Variants in MORF4L1 observed in about 807,000 individuals in gnomAD.
MORF4L1 encodes mortality factor 4-like protein 1.
Under a neutral mutation model 52.9 loss-of-function variants are expected in MORF4L1, and 4 were observed. The observed-to-expected ratio is 0.08, with a 90% CI of 0.04 to 0.17. The LOEUF (loss-of-function observed/expected upper bound fraction) is 0.17, where lower values mean the gene tolerates loss of function less well. Ranked by LOEUF, MORF4L1 falls within the 10% of genes least tolerant of loss-of-function variation. The pLI is 1.00. For synonymous variants in MORF4L1, 123 were observed against 134.8 expected, an observed-to-expected ratio of 0.91 and a Z score of 0.61; for missense variants, 214 against 390.4, an observed-to-expected ratio of 0.55 and a Z score of 3.81.
intron 2 of MORF4L1, 38 bp downstream of exon 2, chr15:78,878,297 C>T: frequency 1.9e-6 from 3 of 1,592,166 alleles, no homozygotes; most frequent in Non-Finnish European, 2.6e-6. Flanking sequence ...TTGGCCAAAA[C>T]TACTGGTTAG....
Position 78,886,227 on chromosome 15 carries a change from A to G in MORF4L1, c.242A>G (p.Gln81Arg), listed in dbSNP as rs1019611394. ...QKQRELQKAN[Q>R]EQYAEGKMRG... ...CAGCGAGAACTTCAAAAAGCCAATCAGTAAGTTTGTTTTGTGAACTGAATA... is the reference window on the plus strand; with the variant it reads ...CAGCGAGAACTTCAAAAAGCCAATCGGTAAGTTTGTTTTGTGAACTGAATA... The change falls in exon 4 of 12, where the codon CAG becomes CGG. Residue 81 changes from glutamine (Q) to arginine (R), a missense_variant and splice_region_variant. Gln to Arg is a conservative substitution (Grantham distance 43, BLOSUM62 1). Coordinates refer to ENST00000426013, the MANE Select transcript of MORF4L1 (RefSeq NM_006791.4). 2 of 1,611,840 alleles carry G rather than the reference A, an allele frequency of 1.2e-6. No homozygotes were observed. Among genetic ancestry groups the G allele is most frequent in the Non-Finnish European group, 1.7e-6 (2 of 1,177,878 alleles).
chr15:78,879,496 A>AG (rs2056560109), intron 2 of MORF4L1, among the ~76,000 whole-genome samples: 1 of 152,120 alleles, frequency 6.6e-6, no homozygotes, highest in East Asian at 1.9e-4. Flanking sequence ...TTGGGATTAG[A>AG]GGTGTGAGCC....
chr15:78,894,464 A>T (rs570674399), intron 10 of MORF4L1: 107 of 379,170 alleles, frequency 2.8e-4, no homozygotes, highest in Non-Finnish European at 4.5e-4. Context: ...GCTGGAGTGC[A>T]GTGGTGCGAT....
At position 78,897,359 on chromosome 15, in the gene MORF4L1, G is replaced by T. The variant is rs1025546086; in HGVS notation, c.*292G>T. 7.4e-6 allele frequency: 2 copies of T among 270,192 alleles called. No homozygotes were observed. The highest frequency in any genetic ancestry group is 1.5e-5 in the Non-Finnish European group (2 of 136,364). 16.7% of individuals were successfully genotyped at this position (270,192 alleles called of 1,614,324 possible). On this transcript the variant is annotated 3_prime_UTR_variant, in exon 12 of 12. Transcript: ENST00000426013. Reference sequence around the variant, plus strand: ...ACAAAGCTGCTTTTGAATGCTGGTGGTTCTATTCCTTTGACACTACGCACT... The same window carrying T: ...ACAAAGCTGCTTTTGAATGCTGGTGTTTCTATTCCTTTGACACTACGCACT...
At chr15:78,896,459 C>T (rs532576076) in intron 11 of MORF4L1, among the ~76,000 whole-genome samples, 60 of 151,884 alleles carry the variant, frequency 4.0e-4, no homozygotes, top group Non-Finnish European at 6.6e-4. Flanking sequence ...TACAGGCATG[C>T]GCTACCATGT....
chr15:78,883,041 C>T lies in MORF4L1; in HGVS notation c.155+2462C>T, dbSNP rs56963875. 0.037 allele frequency among the ~76,000 whole-genome samples: 5,579 copies of T among 151,964 alleles called. 550 individuals are homozygous for T. In the East Asian group the frequency reaches 0.37, roughly 10 times the overall value. On this transcript the variant is annotated intron_variant, in intron 3 of 11. Transcript: ENST00000426013. ...TCCAGCCTGGCCAACATGGTGAAACCCCATCTCTACTAAAAATAAAAAAAT... is the reference window on the plus strand; with the variant it reads ...TCCAGCCTGGCCAACATGGTGAAACTCCATCTCTACTAAAAATAAAAAAAT...
chr15:78,879,826 GTTA>G (rs1395546369), intron 2 of MORF4L1, among the ~76,000 whole-genome samples: 1 of 151,504 alleles, frequency 6.6e-6, no homozygotes, highest in Non-Finnish European at 1.5e-5. Context: ...CCTGAATGTT[GTTA>G]TTGTTGTATC....
chr15:78,897,335 C>G lies in MORF4L1; in HGVS notation c.*268C>G. On this transcript the variant is annotated 3_prime_UTR_variant, in exon 12 of 12. Transcript: ENST00000426013. ...GTAGAGTGTTTTATTGCCTAGTTGA[C>G]AAAGCTGCTTTTGAATGCTGGTGGT... 6.7e-6 allele frequency: 2 copies of G among 297,334 alleles called. No homozygotes were observed. The highest frequency in any genetic ancestry group is 1.3e-5 in the Non-Finnish European group (2 of 151,846). 18.4% of individuals were successfully genotyped at this position (297,334 alleles called of 1,614,324 possible).
At chr15:78,880,413 A>G (rs2141462304) in intron 2 of MORF4L1, 99 bp from the exon 3 acceptor site, 1 of 801,644 alleles carries the variant, frequency 1.2e-6, no homozygotes, top group Middle Eastern at 3.6e-4. Context: ...TGTTTAGGCC[A>G]CCATAAAGCT....
intron 5 of MORF4L1, among the ~76,000 whole-genome samples, chr15:78,890,052 G>A (rs976768463): frequency 2.6e-5 from 4 of 151,994 alleles, no homozygotes; most frequent in African/African-American, 2.4e-5. Flanking sequence ...GTGAAATCCC[G>A]TCTCTTAAAA....
intron 1 of MORF4L1, among the ~76,000 whole-genome samples, chr15:78,877,475 T>A (rs1357716781): frequency 2.6e-5 from 4 of 152,212 alleles, no homozygotes; most frequent in Non-Finnish European, 5.9e-5. Flanking sequence ...ATTTCAGTTG[T>A]CCATGGGTCT....
At chr15:78,888,901 TC>T (rs1452919924) in intron 5 of MORF4L1, among the ~76,000 whole-genome samples, 2 of 152,208 alleles carry the variant, frequency 1.3e-5, no homozygotes, top group Admixed American at 1.3e-4. Context: ...ATGATCTGGT[TC>T]TTTGGAAAAC....
chr15:78,873,011 C>G lies in MORF4L1; in HGVS notation c.-7C>G, dbSNP rs1484786495. 5.2e-6 allele frequency: 8 copies of G among 1,551,728 alleles called. No individual in the cohort carries two copies. The highest frequency in any genetic ancestry group is 7.0e-6 in the Non-Finnish European group (8 of 1,147,138). On this transcript the variant is annotated 5_prime_UTR_variant, in exon 1 of 12. Coordinates refer to ENST00000426013, the MANE Select transcript of MORF4L1 (RefSeq NM_006791.4). Reference sequence around the variant, plus strand: ...GGGAGAAGGAGGAGGCGGCGAATCACTTATAAATGGCGCCGAAGCAGGACC... The same window carrying G: ...GGGAGAAGGAGGAGGCGGCGAATCAGTTATAAATGGCGCCGAAGCAGGACC...
chr15:78,894,205 A>C lies in MORF4L1; in HGVS notation c.777A>C (p.Gly259=). The change falls in exon 10 of 12, where the codon GGA becomes GGC. Residue 259 remains glycine (G), a synonymous_variant. Coordinates refer to ENST00000426013, the MANE Select transcript of MORF4L1 (RefSeq NM_006791.4). ...HPDAPMSQVY[G]APHLLRLFVR... Reference sequence around the variant, plus strand: ...ATGCACCCATGTCCCAGGTGTATGGAGCGCCACATCTCCTGAGATTATTTG... The same window carrying C: ...ATGCACCCATGTCCCAGGTGTATGGCGCGCCACATCTCCTGAGATTATTTG... 6.2e-7 allele frequency: 1 copy of C among 1,611,606 alleles called. No homozygotes were observed. Among genetic ancestry groups the C allele is most frequent in the Admixed American group, 1.7e-5 (1 of 59,400 alleles).
rs776772048 is a variant in MORF4L1, at chr15:78,873,014, A to T, written c.-4A>T. 6.4e-7 allele frequency: 1 copy of T among 1,551,888 alleles called. No individual in the cohort carries two copies. The highest frequency in any genetic ancestry group is 1.4e-5 in the African/African-American group (1 of 73,284). ...AGAAGGAGGAGGCGGCGAATCACTTATAAATGGCGCCGAAGCAGGACCCGA... is the reference window on the plus strand; with the variant it reads ...AGAAGGAGGAGGCGGCGAATCACTTTTAAATGGCGCCGAAGCAGGACCCGA... On this transcript the variant is annotated 5_prime_UTR_variant, in exon 1 of 12. Coordinates refer to ENST00000426013, the MANE Select transcript of MORF4L1 (RefSeq NM_006791.4).
At chr15:78,889,340 C>T (rs1285138094) in intron 5 of MORF4L1, among the ~76,000 whole-genome samples, 1 of 152,086 alleles carries the variant, frequency 6.6e-6, no homozygotes, top group African/African-American at 2.4e-5. Flanking sequence ...TTTCAGATTC[C>T]AGACTTTTTT....
chr15:78,881,518 TA>T (rs2056603824), intron 3 of MORF4L1, among the ~76,000 whole-genome samples: 1 of 150,904 alleles, frequency 6.6e-6, no homozygotes, highest in Non-Finnish European at 1.5e-5. Flanking sequence ...TGTGTGTATG[TA>T]AAGTACCGAT....
At chr15:78,884,676 CACACACACACAA>C (rs1181402315) in intron 3 of MORF4L1, among the ~76,000 whole-genome samples, 35 of 143,698 alleles carry the variant, frequency 2.4e-4, no homozygotes, top group Non-Finnish European at 5.0e-4. Context: ...CACACACACA[CACACACACACAA>C]ATATCTCAAA....
chr15:78,883,300 TAAA>T (rs1335481154), intron 3 of MORF4L1, among the ~76,000 whole-genome samples: 2 of 152,020 alleles, frequency 1.3e-5, no homozygotes, highest in Non-Finnish European at 2.9e-5. Context: ...TTAAAAACCT[TAAA>T]AAATTATTTT....
Sources: allele counts gnomAD v4.1 joint callset (sites outside exome capture counted in the v4.1 genomes callset), GRCh38; gene constraint gnomAD v4.1.1; transcripts MANE v1.5; gene names NCBI Gene and HGNC (gene_info 2026-07-23, HGNC 2026-07-21).